LBX1: variants seen among roughly 807,000 people sequenced by gnomAD.
LBX1 encodes the protein transcription factor LBX1.
A neutral mutation model predicts 19.9 loss-of-function variants in LBX1; 6 were observed. The ratio of observed to expected loss-of-function variants is 0.30; its 90% confidence interval spans 0.17 to 0.60. LBX1 has a LOEUF of 0.60. Among genes scored for constraint, LBX1 ranks in the 20% least tolerant of loss-of-function variants. The pLI, the probability that LBX1 is intolerant of heterozygous loss-of-function variation, is 0.87. For synonymous variants in LBX1, 190 were observed against 189.3 expected (o/e 1.00, Z -0.03); for missense variants, 344 against 393.7 (o/e 0.87, Z 1.07).
chr10:101,227,157 G>A lies in LBX1; in HGVS notation c.*113C>T. On this transcript the variant is annotated 3_prime_UTR_variant, in exon 2 of 2. Coordinates refer to ENST00000370193, the MANE Select transcript of LBX1 (RefSeq NM_006562.5). The stretch of plus-strand genomic sequence containing the variant: ...GCCGAGTCCGGGGCCGGGGACAGGG[G>A]AGGAGGCGGGAGTTGGCAGAGGAGG... 2 of 1,030,730 alleles carry A rather than the reference G, an allele frequency of 1.9e-6. No homozygotes were observed. The highest frequency in any genetic ancestry group is 2.8e-6 in the Non-Finnish European group (2 of 722,016). The allele number at this position is 1,030,730 out of a possible 1,614,324, so 63.8% of individuals were successfully genotyped here. A position where few individuals can be genotyped will look rare whatever the true frequency, so the allele number is the denominator to read the frequency against.
Position 101,227,047 on chromosome 10 carries a change from G to C in LBX1, c.*223C>G, listed in dbSNP as rs1941050953. The C allele has an allele frequency of 2.1e-6, 1 of 477,238 alleles. No individual in the cohort carries two copies. Among genetic ancestry groups the C allele is most frequent in the East Asian group, 3.6e-5 (1 of 27,848 alleles). 29.6% of individuals were successfully genotyped at this position (477,238 alleles called of 1,614,324 possible). A position where few individuals can be genotyped will look rare whatever the true frequency, so the allele number is the denominator to read the frequency against. On this transcript the variant is annotated 3_prime_UTR_variant, in exon 2 of 2. Coordinates refer to ENST00000370193, the MANE Select transcript of LBX1 (RefSeq NM_006562.5). ...ACAGAATTGCACGGCGAGGGCTTCC[G>C]GGGCGGCGGAGGCCGCTGGTGGCGG...
chr10:101,228,359 A>G, intron 1 of LBX1, 132 bp downstream of exon 1: 1 of 652,328 alleles, frequency 1.5e-6, no homozygotes, highest in Non-Finnish European at 2.5e-6. Flanking sequence ...CTTCACTCCC[A>G]TAAGCAGCTG....
rs1941060362 is a variant in LBX1, at chr10:101,227,523, C to T, written c.593G>A (p.Gly198Asp). Reference sequence around the variant, plus strand: ...CACGATGTCCATCTGCCCGCTGGGGCCCAGTTTCTTGGCGGACTCTACGTC... The same window carrying T: ...CACGATGTCCATCTGCCCGCTGGGGTCCAGTTTCTTGGCGGACTCTACGTC... ...KADVESAKKLGPSGQMDIVAL... is the reference protein window; with the variant it reads ...KADVESAKKLDPSGQMDIVAL... Residue 198 changes from glycine to aspartate, a missense_variant, in exon 2 of 2, where the codon GGC (glycine) becomes GAC (aspartate). Physicochemically the swap from Gly to Asp is moderately conservative, Grantham distance 94. Around this residue, in one of 3 missense-constraint regions of LBX1, gnomAD observed 146 missense variants for 124.2 expected, o/e 1.18. Transcript: ENST00000370193. 1 of 1,613,654 alleles carries T rather than the reference C, an allele frequency of 6.2e-7. No individual in the cohort carries two copies.
Position 101,227,604 on chromosome 10 carries a change from G to T in LBX1, c.512C>A (p.Thr171Asn). 2 of 1,614,238 alleles carry T rather than the reference G, an allele frequency of 1.2e-6. No homozygotes were observed. The highest frequency in any genetic ancestry group is 1.7e-6 in the Non-Finnish European group (2 of 1,180,034). The change falls in exon 2 of 2, where the codon ACC becomes AAC. Residue 171 changes from threonine to asparagine, a missense_variant. This residue lies in a region of LBX1 where 45 missense variants were observed against 100.7 expected (regional missense o/e 0.45). Transcript: ENST00000370193. ...QLGLTNAQVI[T>N]WFQNRRAKLK... is the part of the protein sequence containing the mutation. Reference sequence around the variant, plus strand: ...CTTAGCGCGCCGATTCTGGAACCAGGTGATGACTTGCGCGTTGGTGAGGCC... The same window carrying T: ...CTTAGCGCGCCGATTCTGGAACCAGTTGATGACTTGCGCGTTGGTGAGGCC...
Position 101,228,682 on chromosome 10 carries a change from G to A in LBX1, c.134C>T (p.Pro45Leu). 1.9e-6 allele frequency: 3 copies of A among 1,607,614 alleles called. No individual in the cohort carries two copies. The change falls in exon 1 of 2, where the codon CCG becomes CTG. Residue 45 changes from proline (P) to leucine (L), a missense_variant. Coordinates refer to ENST00000370193, the MANE Select transcript of LBX1 (RefSeq NM_006562.5). ...CAGCGAGTAACTTCTCCGCACAGACGGCTTGTTGAGGATGTCCTCGATGCT... is the reference window on the plus strand; with the variant it reads ...CAGCGAGTAACTTCTCCGCACAGACAGCTTGTTGAGGATGTCCTCGATGCT... Reference protein sequence around the residue: ...PFSIEDILNKPSVRRSYSLCG... With the variant: ...PFSIEDILNKLSVRRSYSLCG...
chr10:101,227,937 C>A, intron 1 of LBX1, 147 bp from the exon 2 acceptor site: 3 of 754,562 alleles, frequency 4.0e-6, no homozygotes, highest in Non-Finnish European at 6.1e-6. Context: ...CCTCCAGGAC[C>A]AGGGCAAGTC....
chr10:101,228,451 C>T (rs1351423826), intron 1 of LBX1, 40 bp downstream of exon 1: 93 of 1,484,982 alleles, frequency 6.3e-5, no homozygotes, highest in East Asian at 1.8e-4. Context: ...GCACAGGGCG[C>T]GAGGCGCTGG....
In LBX1 at chr10:101,228,862, A is replaced by T; in HGVS notation, c.-47T>A. ...GGCCGGGGCGGCTCGGGCCGCGGGG[A>T]CCCAGCCCGCGGGCAGCTCGGGCGC... On this transcript the variant is annotated 5_prime_UTR_variant, in exon 1 of 2. Transcript: ENST00000370193. The T allele has an allele frequency of 7.7e-7, 1 of 1,297,428 alleles. No individual in the cohort carries two copies. The highest frequency in any genetic ancestry group is 9.9e-7 in the Non-Finnish European group (1 of 1,013,678). The allele number at this position is 1,297,428 out of a possible 1,614,324, so 80.4% of individuals were successfully genotyped here.
chr10:101,227,536 C>A lies in LBX1; in HGVS notation c.580G>T (p.Ala194Ser), dbSNP rs753290654. 4.3e-6 allele frequency: 7 copies of A among 1,613,870 alleles called. No homozygotes were observed. In the Admixed American group the frequency reaches 8.3e-5, roughly 19 times the overall value. ...LEEMKADVESAKKLGPSGQMD... is the reference protein window; with the variant it reads ...LEEMKADVESSKKLGPSGQMD... ...TGCCCGCTGGGGCCCAGTTTCTTGGCGGACTCTACGTCGGCCTTCATCTCC... is the reference window on the plus strand; with the variant it reads ...TGCCCGCTGGGGCCCAGTTTCTTGGAGGACTCTACGTCGGCCTTCATCTCC... Residue 194 changes from alanine (A) to serine (S), a missense_variant, in exon 2 of 2, where the codon GCC becomes TCC. Physicochemically the swap from Ala to Ser is moderately conservative, Grantham distance 99 (BLOSUM62 1). This residue lies in a region of LBX1 where 45 missense variants were observed against 100.7 expected (regional missense o/e 0.45). Transcript: ENST00000370193.
At position 101,228,880 on chromosome 10, in the gene LBX1, TCGGGCGCCGGACGGCG is replaced by T. The variant is rs1480835440; in HGVS notation, c.-81_-66del. On this transcript the variant is annotated 5_prime_UTR_variant, in exon 1 of 2. Transcript: ENST00000370193. ...CGCGGGGACCCAGCCCGCGGGCAGC[TCGGGCGCCGGACGGCG>T]CGGGCAGGCAGCGGCGGGTGGAAAG... The T allele has an allele frequency of 5.1e-6, 6 of 1,185,524 alleles. No individual in the cohort carries two copies. The African/African-American group carries it at 9.7e-5, about 19-fold the overall frequency. The allele number at this position is 1,185,524 out of a possible 1,614,324, so 73.4% of individuals were successfully genotyped here.
chr10:101,227,029 T>C lies in LBX1; in HGVS notation c.*241A>G, dbSNP rs1252656332. On this transcript the variant is annotated 3_prime_UTR_variant, in exon 2 of 2. Transcript: ENST00000370193. ...TATTTATATAGAAGCCATACAGAAT[T>C]GCACGGCGAGGGCTTCCGGGGCGGC... 3 of 458,318 alleles carry C rather than the reference T, an allele frequency of 6.5e-6. No homozygotes were observed. The highest frequency in any genetic ancestry group is 1.1e-5 in the Non-Finnish European group (3 of 261,990). The allele number at this position is 458,318 out of a possible 1,614,324, so 28.4% of individuals were successfully genotyped here.
In LBX1 at chr10:101,228,640, A is replaced by G. The variant is rs1223020457; in HGVS notation, c.176T>C (p.Leu59Pro). ...CGCGTGCTTGTCCGCGGCGGCCAGC[A>G]GGTGCGCCGCCCCGCACAGCGAGTA... ...RSYSLCGAAH[L>P]LAAADKHAQG... Residue 59 changes from leucine to proline, a missense_variant, in exon 1 of 2, where the codon CTG becomes CCG. By Grantham distance (98) the Leu-to-Pro change is moderately conservative. Coordinates refer to ENST00000370193, the MANE Select transcript of LBX1 (RefSeq NM_006562.5). 1.3e-6 allele frequency: 2 copies of G among 1,588,572 alleles called. No homozygotes were observed. The highest frequency in any genetic ancestry group is 1.7e-6 in the Non-Finnish European group (2 of 1,168,858).
rs1440138549 is a variant in LBX1 at position 101,228,955 on chromosome 10, G to T, written c.-140C>A. The T allele has an allele frequency of 8.8e-6, 3 of 342,820 alleles. No homozygotes were observed. The highest frequency in any genetic ancestry group is 1.2e-4 in the South Asian group (1 of 8,482). 21.2% of individuals were successfully genotyped at this position (342,820 alleles called of 1,614,324 possible). ...ACTGGGCAGGGCGCGGGCCGGGCGCGGGGCCGATTAGCGCGGCGGCTGAGG... is the reference window on the plus strand; with the variant it reads ...ACTGGGCAGGGCGCGGGCCGGGCGCTGGGCCGATTAGCGCGGCGGCTGAGG... On this transcript the variant is annotated 5_prime_UTR_variant, in exon 1 of 2. Coordinates refer to ENST00000370193, the MANE Select transcript of LBX1 (RefSeq NM_006562.5).
At position 101,228,304 on chromosome 10, in the gene LBX1, C is replaced by T. The variant is rs375568620; in HGVS notation, c.325+187G>A. ...CCTGCCACCCCCCAGCTCTGGCCTA[C>T]CCAGAGGTCCCTGGGAAATAAGGAT... On this transcript the variant is annotated intron_variant, in intron 1 of 1. Coordinates refer to ENST00000370193, the MANE Select transcript of LBX1 (RefSeq NM_006562.5). Among the ~76,000 whole-genome samples, 17 of 152,320 alleles carry T rather than the reference C, an allele frequency of 1.1e-4. 1 individual carries two copies. The highest frequency in any genetic ancestry group is 3.6e-4 in the African/African-American group (15 of 41,590).
chr10:101,228,971 G>A lies in LBX1; in HGVS notation c.-156C>T, dbSNP rs932500686. On this transcript the variant is annotated 5_prime_UTR_variant, in exon 1 of 2. Transcript: ENST00000370193. ...GCCGGGCGCGGGGCCGATTAGCGCG[G>A]CGGCTGAGGAGGGGAGAACAGCGCG... 17 of 269,258 alleles carry A rather than the reference G, an allele frequency of 6.3e-5. No homozygotes were observed. The Admixed American group carries it at 8.1e-4, about 13-fold the overall frequency. The allele number at this position is 269,258 out of a possible 1,614,324, so 16.7% of individuals were successfully genotyped here. A position where few individuals can be genotyped will look rare whatever the true frequency, so the allele number is the denominator to read the frequency against.
chr10:101,227,181 G>A lies in LBX1; in HGVS notation c.*89C>T. On this transcript the variant is annotated 3_prime_UTR_variant, in exon 2 of 2. Transcript: ENST00000370193. The stretch of plus-strand genomic sequence containing the variant: ...GGAGGAGGCGGGAGTTGGCAGAGGA[G>A]GTCCCAGCTCCCCTCGGCGGTCCGG... 7.6e-7 allele frequency: 1 copy of A among 1,312,754 alleles called. No individual in the cohort carries two copies. The highest frequency in any genetic ancestry group is 1.0e-6 in the Non-Finnish European group (1 of 966,726). The allele number at this position is 1,312,754 out of a possible 1,614,324, so 81.3% of individuals were successfully genotyped here.
intron 1 of LBX1, 111 bp from the exon 2 acceptor site, chr10:101,227,901 A>G: frequency 2.0e-6 from 2 of 1,007,968 alleles, no homozygotes; most frequent in South Asian, 1.8e-5. Context: ...CAGTCTACCA[A>G]TGTTCCCTTC....
At chr10:101,228,463 T>G in intron 1 of LBX1, 28 bp downstream of exon 1, 1 of 1,525,490 alleles carries the variant, frequency 6.6e-7, no homozygotes, top group Admixed American at 2.0e-5. Context: ...AGGCGCTGGG[T>G]GCAGGGGAAC....
At position 101,227,937 on chromosome 10, in the gene LBX1, C is replaced by T. The variant is rs1266768542; in HGVS notation, c.326-147G>A. On this transcript the variant is annotated intron_variant, in intron 1 of 1. Coordinates refer to ENST00000370193, the MANE Select transcript of LBX1 (RefSeq NM_006562.5). ...TCAGATTTAATTCAGCCTCCAGGACCAGGGCAAGTCTTGGCTATGGCAAAC... is the reference window on the plus strand; with the variant it reads ...TCAGATTTAATTCAGCCTCCAGGACTAGGGCAAGTCTTGGCTATGGCAAAC... 4 of 754,562 alleles carry T rather than the reference C, an allele frequency of 5.3e-6. No individual in the cohort carries two copies. In the Admixed American group the frequency reaches 9.4e-5, roughly 18 times the overall value. The allele number at this position is 754,562 out of a possible 1,614,324, so 46.7% of individuals were successfully genotyped here.
Sources: allele counts gnomAD v4.1 joint callset (sites outside exome capture counted in the v4.1 genomes callset), GRCh38; gene constraint gnomAD v4.1.1; regional missense constraint gnomAD v4.1.1; transcripts MANE v1.5; gene names NCBI Gene and HGNC (gene_info 2026-07-23, HGNC 2026-07-21).